The following SLC14A2 variants were observed in gnomAD, a reference collection of about 807,000 sequenced individuals.
SLC14A2 encodes the protein urea transporter 2.
SLC14A2 carries 91 observed loss-of-function variants against 104.6 expected under a neutral mutation model. That is an observed-to-expected ratio of 0.87 (90% CI 0.73 to 1.04). The LOEUF (loss-of-function observed/expected upper bound fraction) is 1.04, where lower values mean the gene tolerates loss of function less well. Among genes scored for constraint, SLC14A2 ranks in the 50% least tolerant of loss-of-function variants. The pLI is 0.00. For synonymous variants in SLC14A2, 476 were observed against 466.4 expected (o/e 1.02, Z -0.27); for missense variants, 1,189 against 1,156.0 (o/e 1.03, Z -0.41).
At chr18:45,276,112 G>A (rs2084699682) in intron 1 of SLC14A2, among the ~76,000 whole-genome samples, 1 of 152,238 alleles carries the variant, frequency 6.6e-6, no homozygotes, top group South Asian at 2.1e-4. Flanking sequence ...TGGGCAGTGG[G>A]TTTCAATAGA....
the SLC14A2 span, among the ~76,000 whole-genome samples, chr18:45,178,201 A>G: frequency 1.3e-5 from 2 of 152,200 alleles, no homozygotes; most frequent in Non-Finnish European, 2.9e-5. Flanking sequence ...AAATTTGCAT[A>G]TCAAAACATA....
rs535468043 is a variant in SLC14A2, at chr18:45,477,757, A to T, written c.-124-5476A>T. On this transcript the variant is annotated intron_variant, in intron 1 of 20. Coordinates refer to the SLC14A2 transcript ENST00000586448. ...CTGCGGTGGGCTCCACTGAGTCCAA[A>T]CTTCCTGGTGGCGTTGTTTATACTG... Among the ~76,000 whole-genome samples the T allele has an allele frequency of 2.6e-5, 4 of 152,246 alleles. No homozygotes were observed. In the East Asian group the frequency reaches 7.7e-4, roughly 29 times the overall value.
rs575014255 is a variant in SLC14A2, at chr18:45,223,593, C to A, written c.-125+10402C>A. Among the ~76,000 whole-genome samples, 5 of 152,274 alleles carry A rather than the reference C, an allele frequency of 3.3e-5. No homozygotes were observed. In the South Asian group the frequency reaches 6.2e-4, roughly 19 times the overall value. On this transcript the variant is annotated intron_variant, in intron 1 of 20. Coordinates refer to the SLC14A2 transcript ENST00000586448. ...ATGATGTGTGTGTTGGTGGGAGGTACACACACCCCCTCCCCTGGCTAGGCT... is the reference window on the plus strand; with the variant it reads ...ATGATGTGTGTGTTGGTGGGAGGTAAACACACCCCCTCCCCTGGCTAGGCT...
chr18:45,580,911 T>G (rs1417364502), intron 2 of SLC14A2, among the ~76,000 whole-genome samples: 1 of 151,868 alleles, frequency 6.6e-6, no homozygotes, highest in Non-Finnish European at 1.5e-5. Context: ...TAGAGACAGA[T>G]TGAAGGCAGA....
intron 1 of SLC14A2, among the ~76,000 whole-genome samples, chr18:45,220,849 A>C (rs1283670595): frequency 6.6e-6 from 1 of 152,206 alleles, no homozygotes; most frequent in Non-Finnish European, 1.5e-5. Context: ...TGTTGGCAAA[A>C]TTGGTTTCTC....
intron 1 of SLC14A2, among the ~76,000 whole-genome samples, chr18:45,417,773 A>T (rs899940388): frequency 2.0e-5 from 3 of 152,212 alleles, no homozygotes; most frequent in African/African-American, 7.2e-5. Context: ...CCTGAAGATA[A>T]TTACTTAAAA....
intron 1 of SLC14A2, among the ~76,000 whole-genome samples, chr18:45,466,756 G>A (rs2087150306): frequency 6.6e-6 from 1 of 151,786 alleles, no homozygotes; most frequent in African/African-American, 2.4e-5. Flanking sequence ...GGCAGTGATT[G>A]GAGATGACTG....
chr18:45,517,353 C>T (rs1056944118), intron 2 of SLC14A2, among the ~76,000 whole-genome samples: 16 of 152,164 alleles, frequency 1.1e-4, no homozygotes, highest in East Asian at 3.9e-4. Flanking sequence ...GGCAGACCCT[C>T]GCCCCAGCCA....
Position 45,305,864 on chromosome 18 carries a change from C to T in SLC14A2, c.-125+92673C>T, listed in dbSNP as rs140176604. Among the ~76,000 whole-genome samples the T allele has an allele frequency of 3.6e-3, 546 of 152,214 alleles. 2 individuals carry two copies. Among genetic ancestry groups the T allele is most frequent in the African/African-American group, 0.012 (490 of 41,510 alleles). ...CTCATTAATTTCAGAGAAGATATTT[C>T]GATTTACAATTTTATTAAGTTTCTG... On this transcript the variant is annotated intron_variant, in intron 1 of 20. Coordinates refer to the SLC14A2 transcript ENST00000586448.
intron 1 of SLC14A2, among the ~76,000 whole-genome samples, chr18:45,426,227 G>A (rs1200439966): frequency 6.6e-6 from 1 of 152,062 alleles, no homozygotes; most frequent in African/African-American, 2.4e-5. Flanking sequence ...GCTTCTCCCT[G>A]TTCTGGACTA....
chr18:45,666,648 T>G (rs1045506950), intron 12 of SLC14A2, among the ~76,000 whole-genome samples: 7 of 151,354 alleles, frequency 4.6e-5, no homozygotes, highest in Admixed American at 4.6e-4. Flanking sequence ...TCAGTTCTAC[T>G]GTTTGACCTT....
At chr18:45,372,514 A>C (rs1326817897) in intron 1 of SLC14A2, among the ~76,000 whole-genome samples, 1 of 152,150 alleles carries the variant, frequency 6.6e-6, no homozygotes, top group African/African-American at 2.4e-5. Flanking sequence ...GGCATTGTTT[A>C]AAATGTGAAC....
chr18:45,470,533 G>A (rs896556006), intron 1 of SLC14A2, among the ~76,000 whole-genome samples: 2 of 152,042 alleles, frequency 1.3e-5, no homozygotes, highest in African/African-American at 4.8e-5. Flanking sequence ...TAACAGTTAT[G>A]GTTTGTTATA....
chr18:45,226,051 CA>C (rs2084112838), intron 1 of SLC14A2, among the ~76,000 whole-genome samples: 1 of 152,014 alleles, frequency 6.6e-6, no homozygotes, highest in South Asian at 2.1e-4. Flanking sequence ...TTTATGCAGC[CA>C]AAAGACACAT....
intron 2 of SLC14A2, among the ~76,000 whole-genome samples, chr18:45,574,531 G>C (rs748842589): frequency 6.6e-6 from 1 of 152,134 alleles, no homozygotes; most frequent in Non-Finnish European, 1.5e-5. Context: ...GCTCTCTGCA[G>C]GTTGACACAA....
At chr18:45,653,953 G>T (rs140233023) in intron 10 of SLC14A2, among the ~76,000 whole-genome samples, 1 of 152,332 alleles carries the variant, frequency 6.6e-6, no homozygotes, top group African/African-American at 2.4e-5. Flanking sequence ...AAATGCTGGA[G>T]CGAGAATTCT....
chr18:45,463,106 A>G (rs2087075440), intron 1 of SLC14A2, among the ~76,000 whole-genome samples: 1 of 152,176 alleles, frequency 6.6e-6, no homozygotes, highest in Admixed American at 6.5e-5. Flanking sequence ...CGCAATAACC[A>G]GTTCCATCTT....
intron 3 of SLC14A2, among the ~76,000 whole-genome samples, chr18:45,626,159 C>A (rs2144507474): frequency 6.6e-6 from 1 of 152,298 alleles, no homozygotes; most frequent in Admixed American, 6.5e-5. Context: ...AGATATAGGA[C>A]AACCATATTA....
chr18:45,368,281 A>C (rs1046557506), intron 1 of SLC14A2, among the ~76,000 whole-genome samples: 1 of 152,170 alleles, frequency 6.6e-6, no homozygotes, highest in Non-Finnish European at 1.5e-5. Flanking sequence ...GTTGCTGTTG[A>C]GTTTCATGAT....
Sources: gnomAD v4.1 joint callset for allele counts (sites outside exome capture counted in the v4.1 genomes callset) on GRCh38, gnomAD v4.1.1 for gene constraint, MANE v1.5 for transcripts, NCBI Gene and HGNC (gene_info 2026-07-23, HGNC 2026-07-21) for gene names.